Variants in PLOD2 observed in about 807,000 individuals in gnomAD.
The protein encoded by PLOD2 is lysine hydroxylase 2.
In PLOD2, 65 loss-of-function variants were observed where a neutral mutation model predicts 101.0. That is an observed-to-expected ratio of 0.64 (90% CI 0.53 to 0.79). The LOEUF (loss-of-function observed/expected upper bound fraction) is 0.79. Among genes scored for constraint, PLOD2 ranks in the 30% least tolerant of loss-of-function variants. The pLI is 0.00. For missense variants in PLOD2, 909 were observed against 914.6 expected (o/e 0.99, Z 0.08); for synonymous variants, 314 against 302.9 (o/e 1.04, Z -0.38).
intron 3 of PLOD2, among the ~76,000 whole-genome samples, chr3:146,117,048 T>C (rs1350676361): frequency 6.6e-6 from 1 of 152,104 alleles, no homozygotes; most frequent in African/African-American, 2.4e-5. Context: ...AATTGCATAA[T>C]GGGGATGACT....
chr3:146,081,654 C>T (rs952335212), intron 12 of PLOD2, 84 bp downstream of exon 12: 28 of 1,204,062 alleles, frequency 2.3e-5, no homozygotes, highest in Non-Finnish European at 3.4e-5. Context: ...GAGATGAATG[C>T]AAAAAAAATT....
At chr3:146,140,187 A>C (rs768298424) in intron 1 of PLOD2, among the ~76,000 whole-genome samples, 1 of 135,918 alleles carries the variant, frequency 7.4e-6, no homozygotes, top group Non-Finnish European at 1.6e-5. Flanking sequence ...CATTTGGGGA[A>C]TTTATGTAGC....
chr3:146,129,912 T>C (rs1173592140), intron 1 of PLOD2, among the ~76,000 whole-genome samples: 1 of 152,194 alleles, frequency 6.6e-6, no homozygotes, highest in Non-Finnish European at 1.5e-5. Context: ...CAATCGTCTC[T>C]TAGGCCAACT....
At chr3:146,134,314 C>T (rs1044308240) in intron 1 of PLOD2, among the ~76,000 whole-genome samples, 2 of 152,132 alleles carry the variant, frequency 1.3e-5, no homozygotes, top group Admixed American at 6.5e-5. Context: ...GAGTATAGGA[C>T]CATTTTCCAG....
chr3:146,114,682 C>CGAA (rs1937816508), intron 3 of PLOD2, among the ~76,000 whole-genome samples: 2 of 151,968 alleles, frequency 1.3e-5, no homozygotes, highest in African/African-American at 4.8e-5. Flanking sequence ...AAATTTGGTA[C>CGAA]GAAGAGTGGG....
chr3:146,148,759 A>G (rs1361561171), intron 1 of PLOD2, among the ~76,000 whole-genome samples: 1 of 152,194 alleles, frequency 6.6e-6, no homozygotes, highest in Non-Finnish European at 1.5e-5. Flanking sequence ...CAACATCTAT[A>G]TTTCTGAATC....
chr3:146,128,880 C>CTTTTTTTTTTT (rs3975816), intron 1 of PLOD2, among the ~76,000 whole-genome samples: 31 of 73,226 alleles, frequency 4.2e-4, no homozygotes, highest in Non-Finnish European at 6.2e-4. Context: ...ATCTGAAATC[C>CTTTTTTTTTTT]TTTTTTTTTT....
chr3:146,070,858 T>G lies in PLOD2; in HGVS notation c.2136A>C (p.Lys712Asn). 1 of 1,609,652 alleles carries G rather than the reference T, an allele frequency of 6.2e-7. No individual in the cohort carries two copies. Among genetic ancestry groups the G allele is most frequent in the Non-Finnish European group, 8.5e-7 (1 of 1,177,102 alleles). The change falls in exon 20 of 20, where the codon AAA becomes AAC. Residue 712 changes from lysine to asparagine, a missense_variant. Physicochemically the swap from Lys to Asn is moderately conservative, Grantham distance 94. Transcript: ENST00000282903. ...CAATAGAGCAATTGTACCTTAGAAA[T>G]TTGCAACCACCTCCCTAAAAAAGTT... is the stretch of plus-strand genomic sequence containing the variant. The part of the protein sequence containing the change: ...VGEDFQGGGC[K>N]FLRYNCSIES...
intron 3 of PLOD2, among the ~76,000 whole-genome samples, chr3:146,119,287 C>G (rs1221187703): frequency 1.3e-5 from 2 of 152,116 alleles, no homozygotes; most frequent in Non-Finnish European, 2.9e-5. Flanking sequence ...TCTCCAGAAG[C>G]CAAGCAGCTG....
At chr3:146,118,673 T>C (rs945897519) in intron 3 of PLOD2, among the ~76,000 whole-genome samples, 5 of 152,136 alleles carry the variant, frequency 3.3e-5, no homozygotes, top group Non-Finnish European at 5.9e-5. Context: ...GATGTTATTA[T>C]AAAATTATAA....
At chr3:146,116,195 A>C (rs1360356748) in intron 3 of PLOD2, among the ~76,000 whole-genome samples, 1 of 151,986 alleles carries the variant, frequency 6.6e-6, no homozygotes, top group Non-Finnish European at 1.5e-5. Flanking sequence ...ACAAACCAAT[A>C]CTATGGATCC....
At chr3:146,150,504 T>G (rs2032005019) in intron 1 of PLOD2, among the ~76,000 whole-genome samples, 1 of 152,282 alleles carries the variant, frequency 6.6e-6, no homozygotes, top group Non-Finnish European at 1.5e-5. Context: ...ATATTCTCAC[T>G]TATATGTGGA....
chr3:146,161,092 G>A lies in PLOD2; in HGVS notation c.-103C>T. On this transcript the variant is annotated 5_prime_UTR_variant, in exon 1 of 20. Transcript: ENST00000282903. Reference sequence around the variant, plus strand: ...CCGGGTCCGCCCTGAGCCGCCGATTGCGGGCGGGAGCCGGCGGGCAAGGCG... The same window carrying A: ...CCGGGTCCGCCCTGAGCCGCCGATTACGGGCGGGAGCCGGCGGGCAAGGCG... 1.5e-6 allele frequency: 1 copy of A among 664,766 alleles called. No individual in the cohort carries two copies. Among genetic ancestry groups the A allele is most frequent in the Non-Finnish European group, 2.2e-6 (1 of 445,042 alleles). 41.2% of individuals were successfully genotyped at this position (664,766 alleles called of 1,614,324 possible). A position where few individuals can be genotyped will look rare whatever the true frequency, so the allele number is the denominator to read the frequency against.
chr3:146,101,855 A>G (rs1048523281), intron 7 of PLOD2, among the ~76,000 whole-genome samples: 14 of 152,178 alleles, frequency 9.2e-5, no homozygotes, highest in African/African-American at 3.4e-4. Context: ...CAAGATAGAG[A>G]TTGCTTTGTA....
chr3:146,147,939 G>T (rs2031863761), intron 1 of PLOD2, among the ~76,000 whole-genome samples: 2 of 152,062 alleles, frequency 1.3e-5, no homozygotes, highest in African/African-American at 4.8e-5. Context: ...GGGTTTCCAG[G>T]CCTTCTTTTC....
chr3:146,087,704 C>T (rs1936829770), intron 9 of PLOD2, among the ~76,000 whole-genome samples: 1 of 151,646 alleles, frequency 6.6e-6, no homozygotes, highest in East Asian at 1.9e-4. Context: ...AAACGTCCGC[C>T]ATCAAGGATT....
intron 7 of PLOD2, among the ~76,000 whole-genome samples, chr3:146,092,911 C>A (rs1937025150): frequency 1.3e-5 from 2 of 152,048 alleles, no homozygotes; most frequent in African/African-American, 4.8e-5. Flanking sequence ...TTTAAATTTT[C>A]TTTCCACAAA....
chr3:146,095,935 G>T (rs1466229451), intron 7 of PLOD2, among the ~76,000 whole-genome samples: 1 of 108,684 alleles, frequency 9.2e-6, no homozygotes, highest in Admixed American at 1.3e-4. Context: ...CTCTGATGCC[G>T]AGCCAAAGCT....
intron 1 of PLOD2, among the ~76,000 whole-genome samples, chr3:146,159,475 G>A (rs892198862): frequency 3.3e-5 from 5 of 152,222 alleles, no homozygotes; most frequent in African/African-American, 1.2e-4. Flanking sequence ...ATATTACAAA[G>A]TCCTTAGAGG....
Sources: allele counts gnomAD v4.1 joint callset (sites outside exome capture counted in the v4.1 genomes callset), GRCh38; gene constraint gnomAD v4.1.1; transcripts MANE v1.5; gene names NCBI Gene and HGNC (gene_info 2026-07-23, HGNC 2026-07-21).